Variants in ARHGEF12 observed in about 807,000 individuals in gnomAD.
The protein encoded by ARHGEF12 is Rho guanine nucleotide exchange factor 12, also known as KMT2A/ARHGEF12 fusion protein.
Under a neutral mutation model 211.2 loss-of-function variants are expected in ARHGEF12, and 66 were observed. The observed-to-expected ratio is 0.31, with a 90% CI of 0.26 to 0.38. The LOEUF is 0.38. Ranked by LOEUF, ARHGEF12 falls within the 10% of genes least tolerant of loss-of-function variation. The pLI is 1.00. For synonymous variants in ARHGEF12, 592 were observed against 638.4 expected (o/e 0.93, Z 1.09); for missense variants, 1,429 against 1,869.5 (o/e 0.76, Z 4.34).
intron 11 of ARHGEF12, 132 bp downstream of exon 11, chr11:120,432,043 T>C (rs1945559423): frequency 1.2e-6 from 1 of 822,902 alleles, no homozygotes; most frequent in Non-Finnish European, 1.7e-6. Flanking sequence ...AATGTACCAA[T>C]TTGATAAACA....
At chr11:120,373,712 T>C (rs1042867214) in intron 1 of ARHGEF12, among the ~76,000 whole-genome samples, 1 of 152,210 alleles carries the variant, frequency 6.6e-6, no homozygotes, top group Non-Finnish European at 1.5e-5. Context: ...TATGTTTTTT[T>C]CCCCCATATT....
chr11:120,453,930 C>T (rs1946285375), intron 22 of ARHGEF12, among the ~76,000 whole-genome samples: 1 of 152,190 alleles, frequency 6.6e-6, no homozygotes, highest in Admixed American at 6.5e-5. Context: ...ATAGTTATAT[C>T]AGCAGCTTCT....
chr11:120,394,722 A>G (rs1944320672), intron 1 of ARHGEF12, among the ~76,000 whole-genome samples: 1 of 151,978 alleles, frequency 6.6e-6, no homozygotes, highest in South Asian at 2.1e-4. Flanking sequence ...AATATCATAA[A>G]TGAAAGAGGT....
intron 1 of ARHGEF12, among the ~76,000 whole-genome samples, chr11:120,384,829 C>CT (rs1800534135): frequency 6.6e-6 from 1 of 152,098 alleles, no homozygotes; most frequent in Admixed American, 6.5e-5. Flanking sequence ...CTACTCCCAC[C>CT]TCCTGTCCCA....
intron 3 of ARHGEF12, 62 bp downstream of exon 3, chr11:120,407,885 T>C: frequency 5.0e-6 from 7 of 1,403,606 alleles, no homozygotes; most frequent in Non-Finnish European, 7.0e-6. Flanking sequence ...ATAATAGAGC[T>C]TAAGCTACCC....
intron 38 of ARHGEF12, among the ~76,000 whole-genome samples, chr11:120,480,752 G>A (rs927099298): frequency 2.0e-5 from 3 of 152,202 alleles, no homozygotes; most frequent in Non-Finnish European, 4.4e-5. Flanking sequence ...AGACTGAGGG[G>A]ACGGAGAGTA....
intron 1 of ARHGEF12, among the ~76,000 whole-genome samples, chr11:120,360,947 G>A (rs963245371): frequency 1.3e-5 from 2 of 152,170 alleles, no homozygotes; most frequent in African/African-American, 4.8e-5. Flanking sequence ...TGCTTGAATA[G>A]TGTTTGGTTT....
intron 1 of ARHGEF12, among the ~76,000 whole-genome samples, chr11:120,350,291 G>A (rs1413755900): frequency 3.3e-5 from 5 of 152,098 alleles, no homozygotes; most frequent in Admixed American, 2.6e-4. Flanking sequence ...CGAGGTGGGC[G>A]GATCATGAGG....
chr11:120,484,983 G>T, intron 40 of ARHGEF12, 84 bp from the exon 41 acceptor site: 1 of 1,410,906 alleles, frequency 7.1e-7, no homozygotes, highest in Non-Finnish European at 9.9e-7. Context: ...ATTGAACCAC[G>T]CCCACAGATG....
chr11:120,478,433 A>G (rs7120040), intron 37 of ARHGEF12, 44 bp downstream of exon 37: 334,535 of 1,498,184 alleles, frequency 0.22, 38,221 homozygotes, highest in Non-Finnish European at 0.23. Flanking sequence ...ACTAAGTATG[A>G]CACTCATGTG....
chr11:120,359,194 A>G (rs934565646), intron 1 of ARHGEF12, among the ~76,000 whole-genome samples: 2 of 152,104 alleles, frequency 1.3e-5, no homozygotes, highest in Non-Finnish European at 2.9e-5. Flanking sequence ...GGAAGAAACT[A>G]TACAAGGGCA....
Position 120,477,465 on chromosome 11 carries a change from A to C in ARHGEF12, c.3471A>C (p.Glu1157Asp), listed in dbSNP as rs1190914282. 1 of 1,611,086 alleles carries C rather than the reference A, an allele frequency of 6.2e-7. No homozygotes were observed. Among genetic ancestry groups the C allele is most frequent in the Non-Finnish European group, 8.5e-7 (1 of 1,179,360 alleles). The change falls in exon 36 of 41, where the codon GAA (glutamate) becomes GAC (aspartate). Residue 1157 changes from glutamate (E) to aspartate (D), a missense_variant. By Grantham distance (45) the Glu-to-Asp change is conservative. This residue lies in a region of ARHGEF12 where 467 missense variants were observed against 468.4 expected (regional missense o/e 1.00). Transcript: ENST00000397843. ...STPGEGDNDE[E>D]DPSKLKEEQH... ...TCTACAGAGGAGATAATGATGAAGA[A>C]GATCCTTCAAAATTAAAAGAGGAGC...
intron 1 of ARHGEF12, among the ~76,000 whole-genome samples, chr11:120,363,886 G>C (rs1234774603): frequency 6.6e-6 from 1 of 152,186 alleles, no homozygotes; most frequent in Non-Finnish European, 1.5e-5. Flanking sequence ...ACTTAGGACA[G>C]TGCTTTGGAT....
chr11:120,414,112 CTT>C (rs1271988179), intron 4 of ARHGEF12, among the ~76,000 whole-genome samples: 1 of 151,694 alleles, frequency 6.6e-6, no homozygotes, highest in African/African-American at 2.4e-5. Context: ...AAAAATATGT[CTT>C]TTGTTATGAT....
chr11:120,436,487 A>G (rs1471647500), intron 11 of ARHGEF12, among the ~76,000 whole-genome samples: 1 of 152,138 alleles, frequency 6.6e-6, no homozygotes, highest in Non-Finnish European at 1.5e-5. Flanking sequence ...GGTGTTCCTC[A>G]TCTCCACAAA....
In ARHGEF12 at chr11:120,428,065, C is replaced by G; in HGVS notation, c.407-4C>G. 6.4e-7 allele frequency: 1 copy of G among 1,557,662 alleles called. No individual in the cohort carries two copies. The highest frequency in any genetic ancestry group is 8.7e-7 in the Non-Finnish European group (1 of 1,152,010). ...CTTCCCTTTTTCCGTCTCCCCACCC[C>G]AAGCTGGTTCCTATGTAGCTCTCAC... is the stretch of plus-strand genomic sequence containing the variant. On this transcript the variant is annotated splice_region_variant and splice_polypyrimidine_tract_variant and intron_variant, in intron 7 of 40. Transcript: ENST00000397843.
At chr11:120,480,572 G>C in intron 38 of ARHGEF12, 142 bp downstream of exon 38, 1 of 841,106 alleles carries the variant, frequency 1.2e-6, no homozygotes. Context: ...TCCTTCATTT[G>C]ATAAATACTG....
chr11:120,448,701 T>C lies in ARHGEF12; in HGVS notation c.1737+353T>C, dbSNP rs144513872. ...GTGGCAGTAGAGTATTCTGTCAGTT[T>C]GTAATTATTTGTGTTTTTGTTTAGT... On this transcript the variant is annotated intron_variant, in intron 20 of 40. Coordinates refer to ENST00000397843, the MANE Select transcript of ARHGEF12 (RefSeq NM_015313.3). The C allele has an allele frequency of 1.0e-5, 3 of 286,818 alleles. No homozygotes were observed. In the South Asian group the frequency reaches 2.2e-4, roughly 21 times the overall value. The allele number at this position is 286,818 out of a possible 1,614,324, so 17.8% of individuals were successfully genotyped here.
chr11:120,346,904 T>C (rs1942744897), intron 1 of ARHGEF12, among the ~76,000 whole-genome samples: 1 of 152,224 alleles, frequency 6.6e-6, no homozygotes, highest in Admixed American at 6.5e-5. Context: ...TAAGTATTTT[T>C]AAGAGATAAA....
Sources: gnomAD v4.1 joint callset for allele counts (sites outside exome capture counted in the v4.1 genomes callset) on GRCh38, gnomAD v4.1.1 for gene constraint, gnomAD v4.1.1 regional missense constraint, MANE v1.5 for transcripts, NCBI Gene and HGNC (gene_info 2026-07-23, HGNC 2026-07-21) for gene names.